Variants in TTC29 observed in about 807,000 individuals in gnomAD.
TTC29 encodes tetratricopeptide repeat domain 29.
In TTC29, 49 loss-of-function variants were observed where a neutral mutation model predicts 58.1. That is an observed-to-expected ratio of 0.84 (90% CI 0.67 to 1.07). The LOEUF (loss-of-function observed/expected upper bound fraction) is 1.07. TTC29 is among the 50% of genes least tolerant of loss of function. TTC29 has a pLI of 0.00. For missense variants in TTC29, 582 were observed against 555.6 expected, an observed-to-expected ratio of 1.05 and a Z score of -0.48; for synonymous variants, 209 against 196.8, an observed-to-expected ratio of 1.06 and a Z score of -0.52.
intron 6 of TTC29, among the ~76,000 whole-genome samples, chr4:146,880,745 C>T (rs1209453653): frequency 6.6e-6 from 1 of 151,974 alleles, no homozygotes; most frequent in Admixed American, 6.6e-5. Flanking sequence ...AAGGCAGGAA[C>T]ATAAATGTAA....
At chr4:146,709,272 C>T (rs1417166057) in intron 11 of TTC29, among the ~76,000 whole-genome samples, 2 of 152,094 alleles carry the variant, frequency 1.3e-5, no homozygotes, top group African/African-American at 4.8e-5. Flanking sequence ...TGAGCCCCCT[C>T]TAGCTCATTT....
chr4:146,895,832 T>C (rs1246499294), intron 6 of TTC29, among the ~76,000 whole-genome samples: 3 of 152,172 alleles, frequency 2.0e-5, no homozygotes, highest in Admixed American at 1.3e-4. Context: ...TGTTCAATTG[T>C]TTTTGTTTTG....
At chr4:146,938,632 C>T (rs935724920) in intron 3 of TTC29, among the ~76,000 whole-genome samples, 1 of 152,050 alleles carries the variant, frequency 6.6e-6, no homozygotes, top group Non-Finnish European at 1.5e-5. Context: ...TGAAAGATTT[C>T]TCCGCTATAG....
intron 11 of TTC29, among the ~76,000 whole-genome samples, chr4:146,778,976 CA>C (rs369374851): frequency 0.059 from 1,654 of 28,040 alleles, 4 homozygotes; most frequent in South Asian, 0.11. Flanking sequence ...CCTAAATAAG[CA>C]AAAAAAAAAA....
intron 7 of TTC29, among the ~76,000 whole-genome samples, chr4:146,869,858 T>A (rs577599925): frequency 3.3e-5 from 5 of 152,014 alleles, no homozygotes; most frequent in African/African-American, 9.6e-5. Flanking sequence ...ATGAAAGCAA[T>A]AACATAACAG....
At chr4:146,711,351 A>C (rs570429573) in intron 11 of TTC29, among the ~76,000 whole-genome samples, 1 of 152,282 alleles carries the variant, frequency 6.6e-6, no homozygotes, top group Admixed American at 6.6e-5. Flanking sequence ...CCTTGTTGAA[A>C]TATATGTTGC....
chr4:146,833,806 C>T lies in TTC29; in HGVS notation c.977G>A (p.Ser326Asn). Reference protein sequence around the residue: ...GYEAIAKVLQSQGEMTEAIKY... With the variant: ...GYEAIAKVLQNQGEMTEAIKY... ...GCAAGATGAGAATGTGCTAACTTAC[C>T]TCTGCAGGACCTTGGCTATGGCTTC... is the stretch of plus-strand genomic sequence containing the variant. The change falls in exon 9 of 13, where the codon AGC becomes AAC. Residue 326 changes from serine (S) to asparagine (N), a missense_variant and splice_region_variant. By Grantham distance (46) the Ser-to-Asn change is conservative. Coordinates refer to ENST00000325106, the MANE Select transcript of TTC29 (RefSeq NM_031956.4). 3.1e-6 allele frequency: 5 copies of T among 1,611,970 alleles called. No homozygotes were observed. In the South Asian group the frequency reaches 3.3e-5, roughly 11 times the overall value.
At chr4:146,761,003 C>T (rs963623944) in intron 11 of TTC29, among the ~76,000 whole-genome samples, 2 of 151,498 alleles carry the variant, frequency 1.3e-5, no homozygotes, top group African/African-American at 4.8e-5. Context: ...GAAAATCAAA[C>T]ATTGTTTATA....
chr4:146,898,421 A>G (rs561918464), intron 6 of TTC29, among the ~76,000 whole-genome samples: 2 of 152,318 alleles, frequency 1.3e-5, no homozygotes, highest in Non-Finnish European at 2.9e-5. Flanking sequence ...ACTGTCAACA[A>G]TAAATTTAAG....
At chr4:146,760,966 T>C (rs1453974319) in intron 11 of TTC29, among the ~76,000 whole-genome samples, 1 of 151,650 alleles carries the variant, frequency 6.6e-6, no homozygotes, top group Non-Finnish European at 1.5e-5. Context: ...ATTATTCTAT[T>C]ATTCTAAGTG....
intron 8 of TTC29, among the ~76,000 whole-genome samples, 196 bp from the exon 9 acceptor site, chr4:146,834,093 T>C (rs1638821656): frequency 6.6e-6 from 1 of 152,220 alleles, no homozygotes; most frequent in East Asian, 1.9e-4. Flanking sequence ...CTTTAAGCCA[T>C]GACAGTGACG....
chr4:146,711,330 T>C (rs1327855043), intron 11 of TTC29, among the ~76,000 whole-genome samples: 1 of 152,192 alleles, frequency 6.6e-6, no homozygotes, highest in Non-Finnish European at 1.5e-5. Flanking sequence ...AATTTCTTCA[T>C]ATGGTTTTTG....
chr4:146,824,489 T>C (rs1270977898), intron 9 of TTC29, among the ~76,000 whole-genome samples: 1 of 152,224 alleles, frequency 6.6e-6, no homozygotes, highest in Non-Finnish European at 1.5e-5. Flanking sequence ...AATGTGCTGC[T>C]GGAATCAGTC....
At chr4:146,860,744 C>T (rs1457781813) in intron 8 of TTC29, among the ~76,000 whole-genome samples, 1 of 152,154 alleles carries the variant, frequency 6.6e-6, no homozygotes, top group East Asian at 1.9e-4. Context: ...CCACCACCAA[C>T]AAACCGTGGG....
intron 10 of TTC29, among the ~76,000 whole-genome samples, chr4:146,806,098 G>T (rs1462502475): frequency 2.0e-5 from 3 of 152,148 alleles, no homozygotes; most frequent in African/African-American, 4.8e-5. Flanking sequence ...TTAAGGAAAA[G>T]AATTTTCAAC....
chr4:146,853,074 T>C (rs1729613365), intron 8 of TTC29, among the ~76,000 whole-genome samples: 1 of 150,068 alleles, frequency 6.7e-6, no homozygotes, highest in African/African-American at 2.5e-5. Flanking sequence ...ATGTAAAACC[T>C]ATTAAAAACA....
intron 11 of TTC29, chr4:146,764,236 C>A (rs1237598118): frequency 6.6e-6 from 1 of 152,038 alleles, no homozygotes; most frequent in Non-Finnish European, 1.5e-5. Context: ...GATTCCAATT[C>A]ATAGCTACTG....
intron 11 of TTC29, among the ~76,000 whole-genome samples, chr4:146,733,678 T>C (rs1158735171): frequency 6.6e-6 from 1 of 152,148 alleles, no homozygotes; most frequent in African/African-American, 2.4e-5. Context: ...AAAATGTCTC[T>C]TTGAGTGGCT....
intron 11 of TTC29, among the ~76,000 whole-genome samples, chr4:146,722,808 C>T (rs1009611468): frequency 4.6e-5 from 7 of 152,112 alleles, no homozygotes; most frequent in African/African-American, 1.7e-4. Flanking sequence ...AGCAATTCTC[C>T]TTCCTCAGCC....
Sources: gnomAD v4.1 joint callset for allele counts (sites outside exome capture counted in the v4.1 genomes callset) on GRCh38, gnomAD v4.1.1 for gene constraint, MANE v1.5 for transcripts, NCBI Gene and HGNC (gene_info 2026-07-23, HGNC 2026-07-21) for gene names.